EXOC6B: variants seen among roughly 807,000 people sequenced by gnomAD.
EXOC6B encodes the protein SEC15 homolog B.
A neutral mutation model predicts 113.5 loss-of-function variants in EXOC6B; 54 were observed. The observed-to-expected ratio is 0.48, with a 90% CI of 0.38 to 0.60. EXOC6B has a LOEUF of 0.60. Ranked by LOEUF, EXOC6B falls within the 20% of genes least tolerant of loss-of-function variation. The pLI is 0.00. For synonymous variants in EXOC6B, 357 were observed against 339.0 expected, an observed-to-expected ratio of 1.05 and a Z score of -0.58; for missense variants, 797 against 977.5, an observed-to-expected ratio of 0.82 and a Z score of 2.46.
At chr2:72,619,376 C>T (rs747690890) in intron 6 of EXOC6B, among the ~76,000 whole-genome samples, 3 of 151,900 alleles carry the variant, frequency 2.0e-5, no homozygotes, top group Non-Finnish European at 4.4e-5. Flanking sequence ...TTGTTCATGG[C>T]AGCATTTCCC....
chr2:72,268,586 G>A (rs1684283312), intron 20 of EXOC6B, among the ~76,000 whole-genome samples: 1 of 152,126 alleles, frequency 6.6e-6, no homozygotes, highest in Non-Finnish European at 1.5e-5. Context: ...GTTTGGATGT[G>A]TATCCCCTCG....
In EXOC6B at chr2:72,449,856, G is replaced by A. The variant is rs538625966; in HGVS notation, c.1980+15304C>T. On this transcript the variant is annotated intron_variant, in intron 18 of 21. Coordinates refer to ENST00000272427, the MANE Select transcript of EXOC6B (RefSeq NM_015189.3). ...AGAGTTCTAGTCTAATACTCTGTCC[G>A]ACACATGGATTGCCTTTGCACCATC... Among the ~76,000 whole-genome samples, 14 of 152,252 alleles carry A rather than the reference G, an allele frequency of 9.2e-5. No homozygotes were observed. In the South Asian group the frequency reaches 2.3e-3, roughly 25 times the overall value.
At chr2:72,263,019 TG>T (rs1371494663) in intron 20 of EXOC6B, among the ~76,000 whole-genome samples, 3 of 152,008 alleles carry the variant, frequency 2.0e-5, no homozygotes, top group Non-Finnish European at 4.4e-5. Flanking sequence ...GATCCAAAGT[TG>T]GGGGGGACAA....
At chr2:72,572,969 C>T (rs1242863033) in intron 7 of EXOC6B, among the ~76,000 whole-genome samples, 1 of 152,060 alleles carries the variant, frequency 6.6e-6, no homozygotes, top group African/African-American at 2.4e-5. Context: ...GATATGGAAC[C>T]ATTTAAAAAT....
chr2:72,482,977 A>T (rs1699196528), intron 16 of EXOC6B, among the ~76,000 whole-genome samples: 1 of 152,194 alleles, frequency 6.6e-6, no homozygotes, highest in Admixed American at 6.5e-5. Flanking sequence ...CTCATCAGAC[A>T]AGTTCATATA....
intron 11 of EXOC6B, among the ~76,000 whole-genome samples, chr2:72,512,922 A>C (rs1393588190): frequency 6.6e-6 from 1 of 152,080 alleles, no homozygotes; most frequent in Non-Finnish European, 1.5e-5. Context: ...ATTAGCTGCT[A>C]TTTTCTTATT....
rs1553468230 is a variant in EXOC6B, at chr2:72,224,994, GTA to G, written c.2197-40809_2197-40808del. ...CATCTCTCTCTGTATGTGTGTGTGT[GTA>G]TATATATATAAATACACATACTTTT... On this transcript the variant is annotated intron_variant, in intron 20 of 21. Coordinates refer to ENST00000272427, the MANE Select transcript of EXOC6B (RefSeq NM_015189.3). Among the ~76,000 whole-genome samples the G allele has an allele frequency of 6.1e-4, 84 of 137,312 alleles. 1 individual carries two copies. Among genetic ancestry groups the G allele is most frequent in the African/African-American group, 2.1e-3 (79 of 38,080 alleles). The allele number at this position is 137,312 out of a possible 152,430, so 90.1% of individuals were successfully genotyped here.
At chr2:72,383,428 A>T (rs1320658292) in intron 18 of EXOC6B, among the ~76,000 whole-genome samples, 1 of 152,170 alleles carries the variant, frequency 6.6e-6, no homozygotes. Flanking sequence ...GAGAAATGCA[A>T]ATCAAAACCA....
At chr2:72,209,223 C>CAAAAAAAAAAAAAAAAAAAAAA (rs1170760516) in intron 20 of EXOC6B, among the ~76,000 whole-genome samples, 3 of 57,104 alleles carry the variant, frequency 5.3e-5, no homozygotes, top group Non-Finnish European at 9.9e-5. Context: ...AACTCAGTCT[C>CAAAAAAAAAAAAAAAAAAAAAA]AAAAAAAAAA....
At chr2:72,611,682 T>C (rs1412244407) in intron 6 of EXOC6B, among the ~76,000 whole-genome samples, 3 of 152,044 alleles carry the variant, frequency 2.0e-5, no homozygotes, top group Non-Finnish European at 4.4e-5. Flanking sequence ...TAAAATTTCT[T>C]CCCCCAAATC....
chr2:72,421,842 G>A (rs929037129), intron 18 of EXOC6B, among the ~76,000 whole-genome samples: 5 of 152,214 alleles, frequency 3.3e-5, no homozygotes, highest in South Asian at 2.1e-4. Context: ...AGGCGCGAGC[G>A]GGAACCGGGG....
chr2:72,398,526 G>A (rs181758920), intron 18 of EXOC6B, among the ~76,000 whole-genome samples: 161 of 151,932 alleles, frequency 1.1e-3, no homozygotes, highest in Non-Finnish European at 1.6e-3. Flanking sequence ...GTGAAACCCC[G>A]TCTCTATTAA....
At chr2:72,634,249 G>A (rs762220209) in intron 6 of EXOC6B, among the ~76,000 whole-genome samples, 4 of 152,170 alleles carry the variant, frequency 2.6e-5, no homozygotes, top group African/African-American at 4.8e-5. Flanking sequence ...CAATCCTAGT[G>A]CTAAAAATGT....
chr2:72,789,965 T>G (rs1684584306), intron 1 of EXOC6B, among the ~76,000 whole-genome samples: 1 of 152,192 alleles, frequency 6.6e-6, no homozygotes, highest in Non-Finnish European at 1.5e-5. Context: ...AAAACTGCTC[T>G]GATTTTTTTG....
intron 20 of EXOC6B, among the ~76,000 whole-genome samples, chr2:72,193,183 G>A (rs777241041): frequency 1.3e-5 from 2 of 152,168 alleles, no homozygotes; most frequent in African/African-American, 2.4e-5. Context: ...GACTGATAGT[G>A]TGACCCCAGG....
chr2:72,293,686 G>A (rs1361318414), intron 20 of EXOC6B, among the ~76,000 whole-genome samples: 1 of 152,082 alleles, frequency 6.6e-6, no homozygotes, highest in Non-Finnish European at 1.5e-5. Flanking sequence ...TGACTTATGG[G>A]CCAACATTAG....
chr2:72,359,422 G>T (rs2104976426), intron 19 of EXOC6B, among the ~76,000 whole-genome samples: 2 of 152,206 alleles, frequency 1.3e-5, no homozygotes, highest in East Asian at 3.9e-4. Flanking sequence ...TGCCATCTTG[G>T]AAGCAGTTTT....
intron 8 of EXOC6B, among the ~76,000 whole-genome samples, chr2:72,543,608 C>T (rs1702737309): frequency 6.6e-6 from 1 of 152,098 alleles, no homozygotes; most frequent in Non-Finnish European, 1.5e-5. Context: ...ATAAGGTCAC[C>T]AGGTTAAAAG....
intron 6 of EXOC6B, among the ~76,000 whole-genome samples, chr2:72,632,730 G>T (rs928612349): frequency 3.3e-5 from 5 of 151,894 alleles, no homozygotes; most frequent in African/African-American, 1.2e-4. Context: ...CTCCCAGGCT[G>T]GAGTACAGTG....
Sources: allele counts gnomAD v4.1 joint callset (sites outside exome capture counted in the v4.1 genomes callset), GRCh38; gene constraint gnomAD v4.1.1; transcripts MANE v1.5; gene names NCBI Gene and HGNC (gene_info 2026-07-23, HGNC 2026-07-21).